The following PRKDC variants were observed in gnomAD, a reference collection of about 807,000 sequenced individuals.
The protein encoded by PRKDC is protein kinase, DNA-activated, catalytic subunit, also known as DNA-dependent protein kinase catalytic subunit.
PRKDC carries 82 observed loss-of-function variants against 486.9 expected under a neutral mutation model. The ratio of observed to expected loss-of-function variants is 0.17; its 90% CI spans 0.14 to 0.20. The LOEUF is 0.20. PRKDC is among the 10% of genes least tolerant of loss of function. The pLI, the probability that PRKDC is intolerant of heterozygous loss-of-function variation, is 1.00. For synonymous variants in PRKDC, 1,895 were observed against 1,837.0 expected (o/e 1.03, Z -0.81); for missense variants, 4,504 against 5,038.2 (o/e 0.89, Z 3.21).
At chr8:47,846,461 T>A (rs913634139) in intron 54 of PRKDC, among the ~76,000 whole-genome samples, 8 of 149,178 alleles carry the variant, frequency 5.4e-5, no homozygotes, top group African/African-American at 1.7e-4. Flanking sequence ...CATCCTTGCA[T>A]GATAAAAACC....
At position 47,831,827 on chromosome 8, in the gene PRKDC, T is replaced by G. The variant is rs75438361; in HGVS notation, c.8252A>C (p.Gln2751Pro). 5 of 1,613,978 alleles carry G rather than the reference T, an allele frequency of 3.1e-6. No homozygotes were observed. Among genetic ancestry groups the G allele is most frequent in the Non-Finnish European group, 4.2e-6 (5 of 1,179,824 alleles). Residue 2751 changes from glutamine (Q) to proline (P), a missense_variant, in exon 60 of 86, where the codon CAA (glutamine) becomes CCA (proline). By Grantham distance (76) the Gln-to-Pro change is moderately conservative. Coordinates refer to ENST00000314191, the MANE Select transcript of PRKDC (RefSeq NM_006904.7). Reference protein sequence around the residue: ...LMYARKGVAEQKREKEIKSEL... With the variant: ...LMYARKGVAEPKREKEIKSEL... ...CAAGATACAAACCTTCTCTCGTTTTTGCTCAGCAACGCCTTTTCTGGCATA... is the reference window on the plus strand; with the variant it reads ...CAAGATACAAACCTTCTCTCGTTTTGGCTCAGCAACGCCTTTTCTGGCATA...
At chr8:47,816,603 A>G (rs1022511714) in intron 68 of PRKDC, among the ~76,000 whole-genome samples, 2 of 152,236 alleles carry the variant, frequency 1.3e-5, no homozygotes, top group Middle Eastern at 3.2e-3. Flanking sequence ...ACACTGATCT[A>G]TAACGAGGCA....
At chr8:47,857,327 C>A in intron 48 of PRKDC, 28 bp from the exon 49 acceptor site, 2 of 1,587,952 alleles carry the variant, frequency 1.3e-6, no homozygotes, top group South Asian at 1.2e-5. Flanking sequence ...AGTCAAACAT[C>A]AAAGAATGGT....
intron 20 of PRKDC, 97 bp downstream of exon 20, chr8:47,927,674 G>T: frequency 1.5e-6 from 2 of 1,368,854 alleles, no homozygotes; most frequent in South Asian, 3.7e-5. Flanking sequence ...GTGAGGAAAC[G>T]CCTGCTGGGA....
intron 31 of PRKDC, among the ~76,000 whole-genome samples, chr8:47,892,155 C>G (rs1443965215): frequency 1.3e-5 from 2 of 152,102 alleles, no homozygotes; most frequent in African/African-American, 4.8e-5. Flanking sequence ...CAGGTGTGAG[C>G]CACCGCGTCC....
At chr8:47,820,030 GA>G (rs1449787028) in intron 66 of PRKDC, among the ~76,000 whole-genome samples, 1 of 152,164 alleles carries the variant, frequency 6.6e-6, no homozygotes, top group Non-Finnish European at 1.5e-5. Context: ...AAAAAGGAAA[GA>G]AAGAGTGGCA....
At position 47,898,493 on chromosome 8, in the gene PRKDC, T is replaced by C; in HGVS notation, c.3441A>G (p.Lys1147=). Residue 1147 remains lysine (K), a synonymous_variant, in exon 29 of 86, where the codon AAA becomes AAG. Transcript: ENST00000314191. ...IIEKKHVSLN[K]AKKRRLPRGF... ...ACCGCGGCAAACGTCGTTTCTTTGC[T>C]TTATTTAAAGAAACATGCTTCTTTT... 6.4e-7 allele frequency: 1 copy of C among 1,560,520 alleles called. No homozygotes were observed. Among genetic ancestry groups the C allele is most frequent in the Non-Finnish European group, 8.7e-7 (1 of 1,147,738 alleles).
At chr8:47,923,335 G>A (rs980614253) in intron 21 of PRKDC, among the ~76,000 whole-genome samples, 5 of 152,162 alleles carry the variant, frequency 3.3e-5, no homozygotes, top group Non-Finnish European at 7.3e-5. Context: ...ACAGGCGTGA[G>A]CCACTGTGTG....
chr8:47,821,810 A>G lies in PRKDC; in HGVS notation c.8923-18T>C, dbSNP rs996319313. On this transcript the variant is annotated intron_variant, in intron 64 of 85. Coordinates refer to ENST00000314191, the MANE Select transcript of PRKDC (RefSeq NM_006904.7). ...TTGAGAGCCTAGTGGAGAAAAGTTA[A>G]TAAAATTATTTTACAAAGTTGGAAA... The G allele has an allele frequency of 1.9e-5, 29 of 1,518,828 alleles. No homozygotes were observed. In the Admixed American group the frequency reaches 2.2e-4, roughly 11 times the overall value. The allele number at this position is 1,518,828 out of a possible 1,614,324, so 94.1% of individuals were successfully genotyped here.
At chr8:47,933,859 T>A in intron 15 of PRKDC, 106 bp downstream of exon 15, 1 of 1,252,030 alleles carries the variant, frequency 8.0e-7, no homozygotes. Context: ...TGTTTTAAAC[T>A]TTTGAAAGTT....
intron 64 of PRKDC, among the ~76,000 whole-genome samples, chr8:47,823,240 G>A (rs1428489439): frequency 6.6e-6 from 1 of 151,822 alleles, no homozygotes; most frequent in African/African-American, 2.4e-5. Flanking sequence ...GGTGGCTGAG[G>A]TGGGAGGACC....
chr8:47,863,409 T>A lies in PRKDC; in HGVS notation c.5740A>T (p.Thr1914Ser). Residue 1914 changes from threonine (T) to serine (S), a missense_variant, in exon 42 of 86, where the codon ACA becomes TCA. By Grantham distance (58) the Thr-to-Ser change is moderately conservative (BLOSUM62 1). Around this residue, in one of 6 missense-constraint regions of PRKDC, gnomAD observed 80 missense variants for 132.3 expected, o/e 0.60. Coordinates refer to ENST00000314191, the MANE Select transcript of PRKDC (RefSeq NM_006904.7). ...CITEGNELTK[T>S]LIKLCYDAFT... Reference sequence around the variant, plus strand: ...TAAGTAAAATCTTACTTAATCAATGTCTTTGTAAGTTCATTTCCTTCTGTA... The same window carrying A: ...TAAGTAAAATCTTACTTAATCAATGACTTTGTAAGTTCATTTCCTTCTGTA... The A allele has an allele frequency of 6.2e-7, 1 of 1,602,062 alleles. No homozygotes were observed. Among genetic ancestry groups the A allele is most frequent in the Non-Finnish European group, 8.5e-7 (1 of 1,174,922 alleles).
chr8:47,821,572 T>C (rs1015838942), intron 65 of PRKDC, 32 bp downstream of exon 65: 1 of 1,547,840 alleles, frequency 6.5e-7, no homozygotes, highest in Non-Finnish European at 8.8e-7. Context: ...TCTAAAATAA[T>C]TATTTCAATC....
chr8:47,828,639 G>T (rs184192591), intron 61 of PRKDC, among the ~76,000 whole-genome samples: 1 of 152,258 alleles, frequency 6.6e-6, no homozygotes, highest in Non-Finnish European at 1.5e-5. Context: ...TTAAGTCTGG[G>T]TCTCCAATCT....
chr8:47,913,659 C>G (rs1465948663), intron 24 of PRKDC, among the ~76,000 whole-genome samples: 1 of 152,206 alleles, frequency 6.6e-6, no homozygotes, highest in Non-Finnish European at 1.5e-5. Context: ...TCCCAAAGTG[C>G]TGGGATTACA....
chr8:47,794,747 A>G lies in PRKDC; in HGVS notation c.10459-246T>C, dbSNP rs1215569357. Among the ~76,000 whole-genome samples the G allele has an allele frequency of 2.0e-5, 3 of 152,222 alleles. No homozygotes were observed. In the East Asian group the frequency reaches 5.8e-4, roughly 29 times the overall value. The stretch of plus-strand genomic sequence containing the variant: ...GAGACAGCTGCTGCTGGTTGTTCTT[A>G]GACAGATGTATAGAAAAATCTTCTA... On this transcript the variant is annotated intron_variant, in intron 73 of 85. Transcript: ENST00000314191.
intron 74 of PRKDC, among the ~76,000 whole-genome samples, chr8:47,792,425 AT>A (rs1269841031): frequency 2.6e-5 from 4 of 151,868 alleles, no homozygotes; most frequent in South Asian, 4.2e-4. Context: ...TGCCCGGCTA[AT>A]TTTTTGTATT....
chr8:47,831,697 G>A (rs1248033345), intron 60 of PRKDC, 117 bp downstream of exon 60: 12 of 1,135,932 alleles, frequency 1.1e-5, no homozygotes, highest in South Asian at 6.4e-5. Flanking sequence ...GAGCAGTCCC[G>A]CAACCTGGTT....
At position 47,821,720 on chromosome 8, in the gene PRKDC, G is replaced by C. The variant is rs1200961312; in HGVS notation, c.8995C>G (p.Leu2999Val). 1 of 1,599,732 alleles carries C rather than the reference G, an allele frequency of 6.3e-7. No individual in the cohort carries two copies. The highest frequency in any genetic ancestry group is 8.5e-7 in the Non-Finnish European group (1 of 1,172,878). ...TCAGCAAGGTGGTTGTAACAGTCAA[G>C]GGATGCAAGTTCCCAAAAATCCTTC... ...AEKDFWELAS[L>V]DCYNHLAEWK... Residue 2999 changes from leucine (L) to valine (V), a missense_variant, in exon 65 of 86, where the codon CTT becomes GTT. Coordinates refer to ENST00000314191, the MANE Select transcript of PRKDC (RefSeq NM_006904.7).
Sources: allele counts gnomAD v4.1 joint callset (sites outside exome capture counted in the v4.1 genomes callset), GRCh38; gene constraint gnomAD v4.1.1; regional missense constraint gnomAD v4.1.1; transcripts MANE v1.5; gene names NCBI Gene and HGNC (gene_info 2026-07-23, HGNC 2026-07-21).